TXLNA: variants seen among roughly 807,000 people sequenced by gnomAD.
The protein encoded by TXLNA is taxilin alpha.
Under a neutral mutation model 61.4 loss-of-function variants are expected in TXLNA, and 9 were observed. That is an observed-to-expected ratio of 0.15 (90% CI 0.09 to 0.26). The LOEUF (loss-of-function observed/expected upper bound fraction) is 0.26. Ranked by LOEUF, TXLNA falls within the 10% of genes least tolerant of loss-of-function variation. The pLI is 1.00. For missense variants in TXLNA, 565 were observed against 688.8 expected, an observed-to-expected ratio of 0.82 and a Z score of 2.01; for synonymous variants, 257 against 267.7, an observed-to-expected ratio of 0.96 and a Z score of 0.39.
At chr1:32,188,212 G>T in intron 5 of TXLNA, 88 bp downstream of exon 5, 1 of 1,412,936 alleles carries the variant, frequency 7.1e-7, no homozygotes, top group Non-Finnish European at 9.4e-7. Context: ...TTAAAAAGTA[G>T]TGCAGGCTAG....
At position 32,181,527 on chromosome 1, in the gene TXLNA, G is replaced by A. The variant is rs1257347678; in HGVS notation, c.455G>A (p.Gly152Glu). 1.9e-6 allele frequency: 3 copies of A among 1,587,316 alleles called. No homozygotes were observed. The highest frequency in any genetic ancestry group is 2.7e-5 in the African/African-American group (2 of 74,388). The change falls in exon 3 of 11, where the codon GGA becomes GAA. Residue 152 changes from glycine to glutamate, a missense_variant. Gly to Glu is a moderately conservative substitution (Grantham distance 98). Around this residue, in one of 2 missense-constraint regions of TXLNA, gnomAD observed 373 missense variants for 504.0 expected, o/e 0.74. Transcript: ENST00000373610. ...GAGATCCGGCAGAGTGACGAGGTCG[G>A]AGACCGAGACCATCGAAGGCCACAG... ...TEEIRQSDEV[G>E]DRDHRRPQEK... is the part of the protein sequence containing the mutation.
Position 32,189,688 on chromosome 1 carries a change from G to T in TXLNA, c.769-367G>T, listed in dbSNP as rs1569619052. ...GCCTCCCAAGCAGCTGGGACCACAG[G>T]TGCACACCATCACGCCGGCTAATTT... On this transcript the variant is annotated intron_variant, in intron 5 of 10. Transcript: ENST00000373610. 5.3e-5 allele frequency among the ~76,000 whole-genome samples: 8 copies of T among 152,096 alleles called. No homozygotes were observed. The South Asian group carries it at 1.7e-3, about 32-fold the overall frequency.
In TXLNA at chr1:32,195,015, C is replaced by A. The variant is rs1435640395; in HGVS notation, c.1461C>A (p.Asp487Glu). ...ERNDLNKRVQDLSAGGQGSLT... is the reference protein window; with the variant it reads ...ERNDLNKRVQELSAGGQGSLT... ...ATGACCTGAACAAGAGGGTACAGGA[C>A]CTGAGTGCTGGTGGCCAGGGCTCCC... is the stretch of plus-strand genomic sequence containing the variant. The change falls in exon 11 of 11, where the codon GAC (aspartate) becomes GAA (glutamate). Residue 487 changes from aspartate (D) to glutamate (E), a missense_variant. Physicochemically the swap from Asp to Glu is conservative, Grantham distance 45 (BLOSUM62 2). Transcript: ENST00000373610. The A allele has an allele frequency of 3.7e-6, 6 of 1,614,072 alleles. No individual in the cohort carries two copies. Among genetic ancestry groups the A allele is most frequent in the Non-Finnish European group, 3.4e-6 (4 of 1,180,028 alleles).
intron 4 of TXLNA, among the ~76,000 whole-genome samples, chr1:32,185,665 G>C (rs1278140136): frequency 6.7e-6 from 1 of 148,832 alleles, no homozygotes; most frequent in South Asian, 2.1e-4. Flanking sequence ...CTCCCAAAGT[G>C]CTGGGATTAC....
At position 32,190,046 on chromosome 1, in the gene TXLNA, T is replaced by C. The variant is rs1642870645; in HGVS notation, c.769-9T>C. 6.4e-7 allele frequency: 1 copy of C among 1,555,414 alleles called. No homozygotes were observed. Among genetic ancestry groups the C allele is most frequent in the Non-Finnish European group, 8.7e-7 (1 of 1,145,872 alleles). On this transcript the variant is annotated splice_polypyrimidine_tract_variant and intron_variant, in intron 5 of 10. Coordinates refer to ENST00000373610, the MANE Select transcript of TXLNA (RefSeq NM_175852.4). ...GGATGATGGCTCTCGGGCTGACTTCTTTGCCCAGGAAGAAGGTGTGCAGCG... is the reference window on the plus strand; with the variant it reads ...GGATGATGGCTCTCGGGCTGACTTCCTTGCCCAGGAAGAAGGTGTGCAGCG...
At position 32,194,139 on chromosome 1, in the gene TXLNA, C is replaced by T. The variant is rs377338310; in HGVS notation, c.1326C>T (p.Ala442=). 3.1e-6 allele frequency: 5 copies of T among 1,613,620 alleles called. No homozygotes were observed. In the African/African-American group the frequency reaches 5.3e-5, roughly 17 times the overall value. The part of the protein sequence containing the change: ...YRSRWESSNK[A]LLEMAEEKTV... ...CCCGGTGGGAGAGCAGCAACAAGGC[C>T]CTGCTTGAGATGGCTGAGGAGGTGG... Residue 442 remains alanine, a synonymous_variant, in exon 10 of 11, where the codon GCC becomes GCT. Coordinates refer to ENST00000373610, the MANE Select transcript of TXLNA (RefSeq NM_175852.4).
intron 9 of TXLNA, 29 bp from the exon 10 acceptor site, chr1:32,194,036 C>T (rs1160902523): frequency 5.0e-6 from 8 of 1,591,956 alleles, no homozygotes; most frequent in African/African-American, 1.3e-5. Flanking sequence ...CAGCTCTGAC[C>T]ATTTCCTTCT....
Position 32,190,041 on chromosome 1 carries a change from AC to A in TXLNA, c.769-13del, listed in dbSNP as rs1050885041. ...GCAGTGGATGATGGCTCTCGGGCTG[AC>A]TTCTTTGCCCAGGAAGAAGGTGTGC... On this transcript the variant is annotated splice_polypyrimidine_tract_variant and intron_variant, in intron 5 of 10. Transcript: ENST00000373610. The A allele has an allele frequency of 1.6e-5, 25 of 1,550,610 alleles. No homozygotes were observed. The highest frequency in any genetic ancestry group is 3.9e-5 in the Admixed American group (2 of 51,712).
intron 3 of TXLNA, among the ~76,000 whole-genome samples, chr1:32,183,762 G>C (rs968881415): frequency 1.4e-5 from 2 of 145,894 alleles, no homozygotes; most frequent in African/African-American, 5.1e-5. Context: ...TTTTTAGACA[G>C]AGTCTCGCTC....
At chr1:32,190,396 TCATAGATAAAAAA>T in intron 6 of TXLNA, 147 bp downstream of exon 6, 1 of 822,198 alleles carries the variant, frequency 1.2e-6, no homozygotes, top group Non-Finnish European at 1.8e-6. Context: ...ATGTTATTCC[TCATAGATAAAAAA>T]CAGGTGTGGA....
At position 32,196,665 on chromosome 1, in the gene TXLNA, G is replaced by C. The variant is rs960857966; in HGVS notation, c.*1470G>C. The C allele has an allele frequency of 2.0e-5, 3 of 152,230 alleles. No homozygotes were observed. Among genetic ancestry groups the C allele is most frequent in the Non-Finnish European group, 4.4e-5 (3 of 68,060 alleles). The allele number at this position is 152,230 out of a possible 1,614,324, so 9.4% of individuals were successfully genotyped here. A position where few individuals can be genotyped will look rare whatever the true frequency, so the allele number is the denominator to read the frequency against. ...TGCCAAGCAGTTTTCTGGGACAACA[G>C]AATGACTCAGACCAAGATGGATAGG... On this transcript the variant is annotated 3_prime_UTR_variant, in exon 11 of 11. Coordinates refer to ENST00000373610, the MANE Select transcript of TXLNA (RefSeq NM_175852.4).
rs1350750771 is a variant in TXLNA, at chr1:32,192,279, C to T, written c.964-32C>T. 1.9e-6 allele frequency: 3 copies of T among 1,608,988 alleles called. No individual in the cohort carries two copies. The highest frequency in any genetic ancestry group is 2.6e-6 in the Non-Finnish European group (3 of 1,176,282). The stretch of plus-strand genomic sequence containing the variant: ...CTACCCTGAGAAAGGGAGCGCCTGA[C>T]AAGCCGACTGCTCCCACCATCTTTG... On this transcript the variant is annotated intron_variant, in intron 6 of 10. Coordinates refer to ENST00000373610, the MANE Select transcript of TXLNA (RefSeq NM_175852.4). The surrounding 1 kb of genome is among the most constrained non-coding windows in gnomAD (Gnocchi z 4.2).
intron 3 of TXLNA, among the ~76,000 whole-genome samples, chr1:32,183,823 G>A (rs1018585499): frequency 6.6e-6 from 1 of 150,720 alleles, no homozygotes; most frequent in African/African-American, 2.4e-5. Flanking sequence ...TGCAACCTCC[G>A]CCTCCTGGGT....
chr1:32,192,746 C>T lies in TXLNA; in HGVS notation c.1158+15C>T, dbSNP rs766971112. 1.2e-6 allele frequency: 2 copies of T among 1,614,030 alleles called. No homozygotes were observed. The highest frequency in any genetic ancestry group is 1.7e-5 in the Admixed American group (1 of 60,020). The stretch of plus-strand genomic sequence containing the variant: ...TGAAGCAACAGGTGAGAGCATATAA[C>T]CTGACCCTGTGCCTTCAAGTTTCCC... On this transcript the variant is annotated intron_variant, in intron 8 of 10. Coordinates refer to ENST00000373610, the MANE Select transcript of TXLNA (RefSeq NM_175852.4). The surrounding 1 kb of genome is among the most constrained non-coding windows in gnomAD (Gnocchi z 4.2).
intron 5 of TXLNA, among the ~76,000 whole-genome samples, chr1:32,189,619 A>G (rs946615314): frequency 1.3e-5 from 2 of 150,030 alleles, no homozygotes; most frequent in African/African-American, 4.9e-5. Context: ...ATCATAGCTC[A>G]CCACAACCTC....
chr1:32,185,768 G>A (rs1426570937), intron 4 of TXLNA, among the ~76,000 whole-genome samples: 3 of 150,298 alleles, frequency 2.0e-5, no homozygotes, highest in Non-Finnish European at 3.0e-5. Context: ...GCGCGATCTC[G>A]GCTCATTGCA....
In TXLNA at chr1:32,192,492, G is replaced by A. The variant is rs530321885; in HGVS notation, c.1083+62G>A. 2 of 1,604,650 alleles carry A rather than the reference G, an allele frequency of 1.2e-6. No homozygotes were observed. Among genetic ancestry groups the A allele is most frequent in the South Asian group, 1.1e-5 (1 of 90,168 alleles). Reference sequence around the variant, plus strand: ...AGGAGACAGGCTGGGCTCTGGCTCAGCTCATAGCCGGGTTATATGGGAGAA... The same window carrying A: ...AGGAGACAGGCTGGGCTCTGGCTCAACTCATAGCCGGGTTATATGGGAGAA... On this transcript the variant is annotated intron_variant, in intron 7 of 10. Coordinates refer to ENST00000373610, the MANE Select transcript of TXLNA (RefSeq NM_175852.4). This position sits in a 1 kb window ranked among gnomAD's most constrained non-coding sequence, Gnocchi z 4.2.
chr1:32,193,105 A>C lies in TXLNA; in HGVS notation c.1159-103A>C. ...TTGTTTTAAGGAAAAATAGTATCTC[A>C]ATAGAATTACTGGTCAGAGAGTCAA... is the stretch of plus-strand genomic sequence containing the variant. On this transcript the variant is annotated intron_variant, in intron 8 of 10. Transcript: ENST00000373610. 3.9e-6 allele frequency: 3 copies of C among 774,368 alleles called. 1 individual carries two copies. The South Asian group carries it at 4.2e-5, about 11-fold the overall frequency. 48.0% of individuals were successfully genotyped at this position (774,368 alleles called of 1,614,324 possible).
rs1220911514 is a variant in TXLNA at position 32,181,232 on chromosome 1, CCTGCTG to C, written c.170-9_170-4del. On this transcript the variant is annotated splice_polypyrimidine_tract_variant and splice_region_variant and intron_variant, in intron 2 of 10. Transcript: ENST00000373610. ...TTTCTCACTCTACCCCTCATCCTCT[CCTGCTG>C]TAGGGGCTCAAGCCAGAACGGCTCA... 14 of 1,551,154 alleles carry C rather than the reference CCTGCTG, an allele frequency of 9.0e-6. No individual in the cohort carries two copies. Among genetic ancestry groups the C allele is most frequent in the Admixed American group, 5.7e-5 (3 of 52,648 alleles).
Sources: allele counts gnomAD v4.1 joint callset (sites outside exome capture counted in the v4.1 genomes callset), GRCh38; gene constraint gnomAD v4.1.1; regional missense constraint gnomAD v4.1.1; non-coding constraint Gnocchi (gnomAD v3.1); transcripts MANE v1.5; gene names NCBI Gene and HGNC (gene_info 2026-07-23, HGNC 2026-07-21).